Variants in OR13G1 observed in about 807,000 individuals in gnomAD.
The protein encoded by OR13G1 is olfactory receptor family 13 subfamily G member 1, also known as olfactory receptor 13G1.
For missense variants in OR13G1, 369 were observed against 385.7 expected (o/e 0.96, Z 0.36); for synonymous variants, 128 against 136.2 (o/e 0.94, Z 0.42).
chr1:247,671,940 A>G lies in OR13G1; in HGVS notation c.*178T>C, dbSNP rs1659212190. 1.7e-6 allele frequency: 1 copy of G among 585,994 alleles called. No homozygotes were observed. Among genetic ancestry groups the G allele is most frequent in the Non-Finnish European group, 3.0e-6 (1 of 332,426 alleles). 36.3% of individuals were successfully genotyped at this position (585,994 alleles called of 1,614,324 possible). On this transcript the variant is annotated 3_prime_UTR_variant, in exon 2 of 2. Coordinates refer to ENST00000642119, the MANE Select transcript of OR13G1 (RefSeq NM_001005487.2). Reference sequence around the variant, plus strand: ...GTGAGGGTATTGTGCATATTGCTTTATGAATATTCTTCACATAAAGAGTAC... The same window carrying G: ...GTGAGGGTATTGTGCATATTGCTTTGTGAATATTCTTCACATAAAGAGTAC...
At chr1:247,675,542 C>T (rs535395294) in intron 1 of OR13G1, among the ~76,000 whole-genome samples, 1 of 152,184 alleles carries the variant, frequency 6.6e-6, no homozygotes, top group South Asian at 2.1e-4. Flanking sequence ...GGAGTTATGA[C>T]ATTGGTTTGC....
At position 247,675,610 on chromosome 1, in the gene OR13G1, G is replaced by C. The variant is rs539407207; in HGVS notation, c.-238-2331C>G. ...TGGGTGGTTATTGTGTGTGAAGGAGGCTGAACCTGGAATGACACTGTGACA... is the reference window on the plus strand; with the variant it reads ...TGGGTGGTTATTGTGTGTGAAGGAGCCTGAACCTGGAATGACACTGTGACA... On this transcript the variant is annotated intron_variant, in intron 1 of 1. Coordinates refer to ENST00000642119, the MANE Select transcript of OR13G1 (RefSeq NM_001005487.2). Among the ~76,000 whole-genome samples the C allele has an allele frequency of 3.9e-5, 6 of 152,230 alleles. No homozygotes were observed. In the South Asian group the frequency reaches 1.2e-3, roughly 32 times the overall value.
At chr1:247,676,256 AAAAAT>A (rs1175482067) in intron 1 of OR13G1, among the ~76,000 whole-genome samples, 2 of 152,188 alleles carry the variant, frequency 1.3e-5, no homozygotes, top group Admixed American at 6.5e-5. Flanking sequence ...AATCAAAGGT[AAAAAT>A]AATTATTATT....
intron 1 of OR13G1, among the ~76,000 whole-genome samples, chr1:247,678,059 C>A (rs1270836499): frequency 6.6e-6 from 1 of 152,084 alleles, no homozygotes; most frequent in African/African-American, 2.4e-5. Flanking sequence ...GCCGAGATCG[C>A]GCCATTGCAC....
At chr1:247,674,947 T>C (rs1035572890) in intron 1 of OR13G1, among the ~76,000 whole-genome samples, 5 of 152,088 alleles carry the variant, frequency 3.3e-5, no homozygotes, top group African/African-American at 9.7e-5. Context: ...ACGAGATGAT[T>C]TGGAAGAGGA....
In OR13G1 at chr1:247,672,852, C is replaced by T; in HGVS notation, c.190G>A (p.Ala64Thr). The change falls in exon 2 of 2, where the codon GCT becomes ACT. Residue 64 changes from alanine (A) to threonine (T), a missense_variant. Ala to Thr is a moderately conservative substitution (Grantham distance 58). Transcript: ENST00000642119. ...TPMYVFLLTL[A>T]VVDIICTTSI... is the part of the protein sequence containing the mutation. ...GTTGTGCAGATGATGTCCACAACAG[C>T]CAGTGTCAGAAGGAAAACATACATG... is the stretch of plus-strand genomic sequence containing the variant. The T allele has an allele frequency of 6.2e-7, 1 of 1,613,934 alleles. No homozygotes were observed. Among genetic ancestry groups the T allele is most frequent in the Non-Finnish European group, 8.5e-7 (1 of 1,179,972 alleles).
rs746542870 is a variant in OR13G1, at chr1:247,672,253, A to G, written c.789T>C (p.Tyr263=). The G allele has an allele frequency of 2.5e-6, 4 of 1,614,162 alleles. No individual in the cohort carries two copies. In the Admixed American group the frequency reaches 6.7e-5, roughly 27 times the overall value. ...CTACCACCTTGTCTCTTTCAAATGTATAGCTGGAAGCAGGGCGGATATAGG... is the reference window on the plus strand; with the variant it reads ...CTACCACCTTGTCTCTTTCAAATGTGTAGCTGGAAGCAGGGCGGATATAGG... ...IYTYIRPASS[Y]TFERDKVVAA... Residue 263 remains tyrosine (Y), a synonymous_variant, in exon 2 of 2, where the codon TAT becomes TAC. Coordinates refer to ENST00000642119, the MANE Select transcript of OR13G1 (RefSeq NM_001005487.2).
rs1659345095 is a variant in OR13G1, at chr1:247,676,333, A to G, written c.-238-3054T>C. 2.0e-5 allele frequency among the ~76,000 whole-genome samples: 3 copies of G among 152,196 alleles called. No individual in the cohort carries two copies. The South Asian group carries it at 6.2e-4, about 31-fold the overall frequency. On this transcript the variant is annotated intron_variant, in intron 1 of 1. Transcript: ENST00000642119. ...TTAGTATGTGAGTATTCAGTCGTTA[A>G]TAATGAGGGAGTTTTTTACTATTTA...
chr1:247,672,840 T>C lies in OR13G1; in HGVS notation c.202A>G (p.Ile68Val). The C allele has an allele frequency of 1.2e-6, 2 of 1,614,024 alleles. No homozygotes were observed. The highest frequency in any genetic ancestry group is 1.1e-5 in the South Asian group (1 of 91,080). Reference sequence around the variant, plus strand: ...GGTATGATGCTTGTTGTGCAGATGATGTCCACAACAGCCAGTGTCAGAAGG... The same window carrying C: ...GGTATGATGCTTGTTGTGCAGATGACGTCCACAACAGCCAGTGTCAGAAGG... ...VFLLTLAVVD[I>V]ICTTSIIPKM... The change falls in exon 2 of 2, where the codon ATC becomes GTC. Residue 68 changes from isoleucine to valine, a missense_variant. Transcript: ENST00000642119.
Position 247,671,857 on chromosome 1 carries a change from C to T in OR13G1, c.*261G>A, listed in dbSNP as rs191811874. Reference sequence around the variant, plus strand: ...TTGTGTATATGCATATATAAGTATTCGAAGTTATGTACATATTTTTGGAAA... The same window carrying T: ...TTGTGTATATGCATATATAAGTATTTGAAGTTATGTACATATTTTTGGAAA... On this transcript the variant is annotated 3_prime_UTR_variant, in exon 2 of 2. Transcript: ENST00000642119. The T allele has an allele frequency of 2.4e-4, 106 of 443,672 alleles. No homozygotes were observed. The highest frequency in any genetic ancestry group is 1.5e-3 in the African/African-American group (77 of 51,062). 27.5% of individuals were successfully genotyped at this position (443,672 alleles called of 1,614,324 possible).
In OR13G1 at chr1:247,672,305, G is replaced by T. The variant is rs1447820319; in HGVS notation, c.737C>A (p.Thr246Asn). Reference protein sequence around the residue: ...STCSSHLTVVTLYYSPVIYTY... With the variant: ...STCSSHLTVVNLYYSPVIYTY... ...GTAGATTACAGGAGAATAGTAAAGG[G>T]TCACCACTGTGAGATGAGATGAGCA... The change falls in exon 2 of 2, where the codon ACC becomes AAC. Residue 246 changes from threonine (T) to asparagine (N), a missense_variant. Thr to Asn is a moderately conservative substitution (Grantham distance 65). Transcript: ENST00000642119. 2 of 1,613,638 alleles carry T rather than the reference G, an allele frequency of 1.2e-6. No individual in the cohort carries two copies. Among genetic ancestry groups the T allele is most frequent in the Middle Eastern group, 1.7e-4 (1 of 6,060 alleles).
chr1:247,677,192 G>A lies in OR13G1; in HGVS notation c.-239+2448C>T, dbSNP rs537288045. On this transcript the variant is annotated intron_variant, in intron 1 of 1. Transcript: ENST00000642119. ...TGGGAGGCGGAGGTTGCAGTGAGCC[G>A]AGATTGTGCCACTGCACTGCAGCCT... Among the ~76,000 whole-genome samples the A allele has an allele frequency of 7.9e-5, 12 of 152,248 alleles. 1 individual carries two copies. The South Asian group carries it at 2.5e-3, about 32-fold the overall frequency.
Position 247,672,602 on chromosome 1 carries a change from G to T in OR13G1, c.440C>A (p.Ala147Asp), listed in dbSNP as rs1373898599. 1 of 1,614,024 alleles carries T rather than the reference G, an allele frequency of 6.2e-7. No individual in the cohort carries two copies. The highest frequency in any genetic ancestry group is 1.7e-5 in the Admixed American group (1 of 59,990). Residue 147 changes from alanine to aspartate, a missense_variant, in exon 2 of 2, where the codon GCT (alanine) becomes GAT (aspartate). Transcript: ENST00000642119. ...MCVALLSMVM[A>D]IAVTNSWVHT... ...CACCCAGGAATTGGTGACTGCAATA[G>T]CCATGACCATGCTGAGCAAGGCTAC...
chr1:247,672,678 C>T lies in OR13G1; in HGVS notation c.364G>A (p.Ala122Thr). The change falls in exon 2 of 2, where the codon GCC (alanine) becomes ACC (threonine). Residue 122 changes from alanine to threonine, a missense_variant. Coordinates refer to ENST00000642119, the MANE Select transcript of OR13G1 (RefSeq NM_001005487.2). The stretch of plus-strand genomic sequence containing the variant: ...CTGTAATGAAGAGGGAAACAAATGG[C>T]CACATAGCGGTCATAGGCCATGGTG... ...FTTMAYDRYV[A>T]ICFPLHYSTI... is the part of the protein sequence containing the mutation. The T allele has an allele frequency of 6.2e-7, 1 of 1,613,994 alleles. No individual in the cohort carries two copies. Among genetic ancestry groups the T allele is most frequent in the Non-Finnish European group, 8.5e-7 (1 of 1,179,934 alleles).
rs964157516 is a variant in OR13G1, at chr1:247,671,431, T to C, written c.*687A>G. On this transcript the variant is annotated 3_prime_UTR_variant, in exon 2 of 2. Transcript: ENST00000642119. ...GGTGCCTGTTTCATTGATGGACCCA[T>C]TGAACCGCCATACACACTATTGACT... The C allele has an allele frequency of 5.3e-5, 8 of 150,988 alleles. No individual in the cohort carries two copies. The highest frequency in any genetic ancestry group is 3.9e-4 in the East Asian group (2 of 5,168). The allele number at this position is 150,988 out of a possible 1,614,324, so 9.4% of individuals were successfully genotyped here.
intron 1 of OR13G1, among the ~76,000 whole-genome samples, chr1:247,677,175 G>A (rs1659361566): frequency 6.6e-6 from 1 of 152,130 alleles, no homozygotes; most frequent in Non-Finnish European, 1.5e-5. Flanking sequence ...CCTGGGAGGC[G>A]GAGGTTGCAG....
Position 247,673,000 on chromosome 1 carries a change from G to A in OR13G1, c.42C>T (p.Leu14=), listed in dbSNP as rs1345331127. 1 of 1,613,704 alleles carries A rather than the reference G, an allele frequency of 6.2e-7. No individual in the cohort carries two copies. Reference sequence around the variant, plus strand: ...TTCCCTGGAGTTCAGGCTTTTTGGTGAGGCCCAGAATAATGAACTCAGTTA... The same window carrying A: ...TTCCCTGGAGTTCAGGCTTTTTGGTAAGGCCCAGAATAATGAACTCAGTTA... The part of the protein sequence containing the change: ...SVVTEFIILG[L]TKKPELQGII... Residue 14 remains leucine, a synonymous_variant, in exon 2 of 2, where the codon CTC becomes CTT. Coordinates refer to ENST00000642119, the MANE Select transcript of OR13G1 (RefSeq NM_001005487.2).
rs761278215 is a variant in OR13G1 at position 247,672,210 on chromosome 1, C to G, written c.832G>C (p.Val278Leu). 58 of 1,613,902 alleles carry G rather than the reference C, an allele frequency of 3.6e-5. No homozygotes were observed. The highest frequency in any genetic ancestry group is 4.8e-5 in the Non-Finnish European group (57 of 1,179,988). Residue 278 changes from valine to leucine, a missense_variant, in exon 2 of 2, where the codon GTG (valine) becomes CTG (leucine). Val to Leu is a conservative substitution (Grantham distance 32, BLOSUM62 1). Transcript: ENST00000642119. ...DKVVAALYTL[V>L]TPTLNPMVYS... ...ACCATCGGGTTTAATGTGGGAGTCACAAGAGTATAGAGTGCAGCTACCACC... is the reference window on the plus strand; with the variant it reads ...ACCATCGGGTTTAATGTGGGAGTCAGAAGAGTATAGAGTGCAGCTACCACC...
chr1:247,675,393 A>C, intron 1 of OR13G1, among the ~76,000 whole-genome samples: 1 of 152,192 alleles, frequency 6.6e-6, no homozygotes, highest in African/African-American at 2.4e-5. Context: ...CACAAGGGCA[A>C]GTTTCAAAAA....
Sources: gnomAD v4.1 joint callset for allele counts (sites outside exome capture counted in the v4.1 genomes callset) on GRCh38, gnomAD v4.1.1 for gene constraint, MANE v1.5 for transcripts, NCBI Gene and HGNC (gene_info 2026-07-23, HGNC 2026-07-21) for gene names.